CTBP1: variants seen among roughly 807,000 people sequenced by gnomAD.
CTBP1 encodes C-terminal binding protein 1.
In CTBP1, 11 loss-of-function variants were observed where a neutral mutation model predicts 42.1. That is an observed-to-expected ratio of 0.26 (90% CI 0.16 to 0.43). The LOEUF (loss-of-function observed/expected upper bound fraction) is 0.43. Ranked by LOEUF, CTBP1 falls within the 20% of genes least tolerant of loss-of-function variation. The pLI is 1.00. For missense variants in CTBP1, 399 were observed against 624.3 expected (o/e 0.64, Z 3.85); for synonymous variants, 324 against 277.1 (o/e 1.17, Z -1.68).
In CTBP1 at chr4:1,248,902, G is replaced by A. The variant is rs1314903990; in HGVS notation, c.-189+14C>T. 1.0e-6 allele frequency: 1 copy of A among 964,228 alleles called. No individual in the cohort carries two copies. The highest frequency in any genetic ancestry group is 4.3e-5 in the South Asian group (1 of 23,416). The allele number at this position is 964,228 out of a possible 1,614,324, so 59.7% of individuals were successfully genotyped here. A position where few individuals can be genotyped will look rare whatever the true frequency, so the allele number is the denominator to read the frequency against. ...CCCGCCCGCGGCCGGAAACGCGCGCGCGCGCGGCCTTACCAAGCGGCAGGC... is the reference window on the plus strand; with the variant it reads ...CCCGCCCGCGGCCGGAAACGCGCGCACGCGCGGCCTTACCAAGCGGCAGGC... On this transcript the variant is annotated intron_variant, in intron 1 of 9. Transcript: ENST00000382952.
chr4:1,248,885 C>T, intron 1 of CTBP1, 31 bp downstream of exon 1: 1 of 970,592 alleles, frequency 1.0e-6, no homozygotes, highest in Non-Finnish European at 1.2e-6. Context: ...CCCCCGCCCG[C>T]GGCCGGAAAC....
chr4:1,220,115 T>C (rs2108731773), intron 5 of CTBP1, among the ~76,000 whole-genome samples: 1 of 151,666 alleles, frequency 6.6e-6, no homozygotes, highest in Non-Finnish European at 1.5e-5. Context: ...GGCAGGAGAA[T>C]TGCTTGAACC....
intron 1 of CTBP1, chr4:1,242,846 C>A: frequency 1.0e-6 from 1 of 985,436 alleles, no homozygotes; most frequent in South Asian, 4.7e-5. Flanking sequence ...TCACATTTCA[C>A]CCACGAGCCA....
At chr4:1,243,072 C>A in intron 1 of CTBP1, 1 of 985,438 alleles carries the variant, frequency 1.0e-6, no homozygotes, top group Non-Finnish European at 1.2e-6. Context: ...TCATTGATAC[C>A]AGTCAATACT....
At chr4:1,237,604 C>T in intron 3 of CTBP1, 1 of 674,834 alleles carries the variant, frequency 1.5e-6, no homozygotes, top group Admixed American at 2.1e-5. Context: ...CAGGGAAAAC[C>T]CGGTGTTCAC....
At position 1,238,434 on chromosome 4, in the gene CTBP1, G is replaced by GAACA; in HGVS notation, c.8-98_8-97insTGTT. On this transcript the variant is annotated intron_variant, in intron 2 of 9. Transcript: ENST00000382952. The surrounding 1 kb of genome is among the most constrained non-coding windows in gnomAD (Gnocchi z 5.9). ...CACTGTGCACGGGCCAACGAGGGCCGACCGCCGGGGGTTTTCTGGTCTATA... is the reference window on the plus strand; with the variant it reads ...CACTGTGCACGGGCCAACGAGGGCCGAACAACCGCCGGGGGTTTTCTGGTCTATA... The GAACA allele has an allele frequency of 1.4e-6, 2 of 1,399,932 alleles. No homozygotes were observed. Among genetic ancestry groups the GAACA allele is most frequent in the Non-Finnish European group, 9.5e-7 (1 of 1,051,728 alleles). The allele number at this position is 1,399,932 out of a possible 1,614,324, so 86.7% of individuals were successfully genotyped here. A position where few individuals can be genotyped will look rare whatever the true frequency, so the allele number is the denominator to read the frequency against.
intron 3 of CTBP1, among the ~76,000 whole-genome samples, chr4:1,231,515 C>A (rs906322114): frequency 6.6e-6 from 1 of 152,184 alleles, no homozygotes; most frequent in African/African-American, 2.4e-5. Context: ...TGGAAACAGA[C>A]CCCAGGACGC....
chr4:1,211,781 G>A lies in CTBP1; in HGVS notation c.*459C>T, dbSNP rs572008054. 1.3e-5 allele frequency: 2 copies of A among 153,192 alleles called. No homozygotes were observed. Among genetic ancestry groups the A allele is most frequent in the East Asian group, 3.9e-4 (2 of 5,180 alleles). The allele number at this position is 153,192 out of a possible 1,614,324, so 9.5% of individuals were successfully genotyped here. On this transcript the variant is annotated 3_prime_UTR_variant, in exon 10 of 10. Transcript: ENST00000382952. ...AAGCAGGTAGAAAAAACAATGCACT[G>A]TGTGGCATAAAAAGAAAAACGGGAA...
chr4:1,218,425 C>G (rs1363288751), intron 5 of CTBP1: 1 of 151,400 alleles, frequency 6.6e-6, no homozygotes, highest in African/African-American at 2.4e-5. Flanking sequence ...AAAGGCAACA[C>G]ATTTTCGGAC....
At chr4:1,226,936 A>C (rs2108752843) in intron 4 of CTBP1, among the ~76,000 whole-genome samples, 1 of 152,150 alleles carries the variant, frequency 6.6e-6, no homozygotes, top group East Asian at 1.9e-4. Flanking sequence ...GCAATGCCAT[A>C]AACTGTATCC....
At chr4:1,236,355 C>G (rs1731491513) in intron 3 of CTBP1, 1 of 461,764 alleles carries the variant, frequency 2.2e-6, no homozygotes, top group Non-Finnish European at 3.9e-6. Context: ...CCAAAGGCTG[C>G]TCACTGCTGG....
chr4:1,246,797 C>A (rs928189423), intron 1 of CTBP1, among the ~76,000 whole-genome samples: 2 of 152,222 alleles, frequency 1.3e-5, no homozygotes, highest in Non-Finnish European at 2.9e-5. Context: ...AGCCTGGGGC[C>A]CGTTTCCTGG....
chr4:1,237,702 G>T, intron 3 of CTBP1: 2 of 673,362 alleles, frequency 3.0e-6, no homozygotes, highest in Non-Finnish European at 2.7e-6. Context: ...TGGGGCTCAG[G>T]ACAAACCCCG....
intron 1 of CTBP1, chr4:1,245,153 C>G (rs780087676): frequency 3.0e-6 from 3 of 985,462 alleles, no homozygotes; most frequent in Non-Finnish European, 3.6e-6. Context: ...CGAGCCGATA[C>G]GGCACCTTGG....
intron 5 of CTBP1, chr4:1,218,710 A>C (rs1056776314): frequency 2.0e-5 from 3 of 152,232 alleles, no homozygotes; most frequent in Non-Finnish European, 4.4e-5. Flanking sequence ...GCCCTGGACG[A>C]GTCTTCACAG....
intron 2 of CTBP1, among the ~76,000 whole-genome samples, chr4:1,240,836 C>G (rs557003089): frequency 6.6e-6 from 1 of 152,184 alleles, no homozygotes; most frequent in South Asian, 2.1e-4. Flanking sequence ...CACAGTCACA[C>G]GGCCTGTGCT....
chr4:1,220,771 C>T (rs531191713), intron 5 of CTBP1, among the ~76,000 whole-genome samples: 3 of 152,376 alleles, frequency 2.0e-5, no homozygotes, highest in Non-Finnish European at 2.9e-5. Context: ...CGTGCCGCAG[C>T]GACCTGCCAT....
chr4:1,214,381 G>T lies in CTBP1; in HGVS notation c.822C>A (p.Arg274=), dbSNP rs149624625. The T allele has an allele frequency of 3.2e-6, 5 of 1,564,126 alleles. No individual in the cohort carries two copies. Among genetic ancestry groups the T allele is most frequent in the Non-Finnish European group, 4.3e-6 (5 of 1,161,048 alleles). Residue 274 remains arginine, a synonymous_variant, in exon 7 of 10, where the codon CGC becomes CGA. Transcript: ENST00000382952. ...ACTCGTGCACATCCAGGGCCGCGCC[G>T]CGGATCCGGCCCTCCTTCAGGGCCT... ...LAQALKEGRI[R]GAALDVHESE...
At position 1,226,530 on chromosome 4, in the gene CTBP1, A is replaced by G. The variant is rs1033520738; in HGVS notation, c.308-964T>C. On this transcript the variant is annotated intron_variant, in intron 4 of 9. Transcript: ENST00000382952. ...TGGACGTAAAAATGTTAAACAAGGG[A>G]GACTGAGGGAGAGCCAAGCCAGGCG... Among the ~76,000 whole-genome samples, 5 of 150,968 alleles carry G rather than the reference A, an allele frequency of 3.3e-5. No homozygotes were observed. In the East Asian group the frequency reaches 9.8e-4, roughly 30 times the overall value.
Sources: gnomAD v4.1 joint callset for allele counts (sites outside exome capture counted in the v4.1 genomes callset) on GRCh38, gnomAD v4.1.1 for gene constraint, Gnocchi (gnomAD v3.1) non-coding constraint, MANE v1.5 for transcripts, NCBI Gene and HGNC (gene_info 2026-07-23, HGNC 2026-07-21) for gene names.